FUBP1: variants seen among roughly 807,000 people sequenced by gnomAD.
The protein encoded by FUBP1 is far upstream element binding protein 1.
Under a neutral mutation model 94.9 loss-of-function variants are expected in FUBP1, and 16 were observed. The ratio of observed to expected loss-of-function variants is 0.17; its 90% CI spans 0.11 to 0.26. The LOEUF is 0.26. FUBP1 is among the 10% of genes least tolerant of loss of function. The pLI is 1.00. For synonymous variants in FUBP1, 279 were observed against 254.9 expected (o/e 1.09, Z -0.90); for missense variants, 583 against 808.6 (o/e 0.72, Z 3.38).
At chr1:77,973,348 C>T (rs1316874674) in intron 1 of FUBP1, among the ~76,000 whole-genome samples, 3 of 152,116 alleles carry the variant, frequency 2.0e-5, no homozygotes, top group African/African-American at 7.2e-5. Context: ...CAAGTTCAAG[C>T]GATTCTCCTG....
In FUBP1 at chr1:77,964,372, C is replaced by T. The variant is rs1557449358; in HGVS notation, c.838-16G>A. On this transcript the variant is annotated splice_polypyrimidine_tract_variant and intron_variant, in intron 10 of 19. Coordinates refer to ENST00000370768, the MANE Select transcript of FUBP1 (RefSeq NM_003902.5). Reference sequence around the variant, plus strand: ...GAATGGGGACCTTATGTAAAAAAGACTAAGTATTAAGAAAGCTAGCTTCTC... The same window carrying T: ...GAATGGGGACCTTATGTAAAAAAGATTAAGTATTAAGAAAGCTAGCTTCTC... The T allele has an allele frequency of 1.4e-6, 2 of 1,455,470 alleles. No homozygotes were observed. The highest frequency in any genetic ancestry group is 2.3e-5 in the South Asian group (2 of 87,646). 90.2% of individuals were successfully genotyped at this position (1,455,470 alleles called of 1,614,324 possible). A position where few individuals can be genotyped will look rare whatever the true frequency, so the allele number is the denominator to read the frequency against.
At chr1:77,977,213 C>T (rs988775770) in intron 1 of FUBP1, among the ~76,000 whole-genome samples, 3 of 151,838 alleles carry the variant, frequency 2.0e-5, no homozygotes, top group African/African-American at 4.8e-5. Flanking sequence ...AACAAACAAA[C>T]GAAAAAAAAC....
At chr1:77,976,951 G>A (rs188378102) in intron 1 of FUBP1, among the ~76,000 whole-genome samples, 3 of 152,148 alleles carry the variant, frequency 2.0e-5, no homozygotes, top group Admixed American at 6.5e-5. Flanking sequence ...ACACCTCTGC[G>A]CATGCTGCTT....
In FUBP1 at chr1:77,948,240, C is replaced by T; in HGVS notation, c.*526G>A. The T allele has an allele frequency of 9.5e-7, 1 of 1,054,684 alleles. No homozygotes were observed. Among genetic ancestry groups the T allele is most frequent in the Non-Finnish European group, 1.1e-6 (1 of 872,416 alleles). The allele number at this position is 1,054,684 out of a possible 1,614,324, so 65.3% of individuals were successfully genotyped here. On this transcript the variant is annotated 3_prime_UTR_variant, in exon 20 of 20. Coordinates refer to ENST00000370768, the MANE Select transcript of FUBP1 (RefSeq NM_003902.5). ...AGCCAATACAATAAATGGAAAAGAT[C>T]CTCCAATCTACCACTATACTGCAAG...
At chr1:77,950,529 A>G (rs1372706248) in intron 18 of FUBP1, among the ~76,000 whole-genome samples, 1 of 152,116 alleles carries the variant, frequency 6.6e-6, no homozygotes, top group African/African-American at 2.4e-5. Flanking sequence ...CAAAAAACAT[A>G]CATATAAAGC....
chr1:77,963,611 A>G lies in FUBP1; in HGVS notation c.1146T>C (p.Ile382=). The G allele has an allele frequency of 1.3e-6, 2 of 1,598,294 alleles. No individual in the cohort carries two copies. The highest frequency in any genetic ancestry group is 8.6e-7 in the Non-Finnish European group (1 of 1,165,722). ...PPGGLQEFNF[I]VPTGKTGLII... ...TTAATCCAGTTTTCCCAGTTGGCAC[A>G]ATAAAATTAAATTCCTGTAGTCCAC... Residue 382 remains isoleucine (I), a synonymous_variant, in exon 13 of 20, where the codon ATT becomes ATC. Transcript: ENST00000370768.
intron 16 of FUBP1, among the ~76,000 whole-genome samples, chr1:77,957,251 T>C (rs1654636432): frequency 6.6e-6 from 1 of 152,224 alleles, no homozygotes. Flanking sequence ...AAATTCTTCA[T>C]TCTCTGCAAT....
chr1:77,963,426 T>C, intron 13 of FUBP1, 148 bp downstream of exon 13: 1 of 518,050 alleles, frequency 1.9e-6, no homozygotes. Flanking sequence ...CCCTCATTTA[T>C]GTTTTACTTG....
At position 77,948,502 on chromosome 1, in the gene FUBP1, A is replaced by AT; in HGVS notation, c.*263dup. The AT allele has an allele frequency of 8.1e-7, 1 of 1,234,954 alleles. No individual in the cohort carries two copies. Among genetic ancestry groups the AT allele is most frequent in the East Asian group, 3.2e-5 (1 of 31,064 alleles). 76.5% of individuals were successfully genotyped at this position (1,234,954 alleles called of 1,614,324 possible). A position where few individuals can be genotyped will look rare whatever the true frequency, so the allele number is the denominator to read the frequency against. On this transcript the variant is annotated 3_prime_UTR_variant, in exon 20 of 20. Coordinates refer to ENST00000370768, the MANE Select transcript of FUBP1 (RefSeq NM_003902.5). ...ATTTATATCACAAAGCATCAACCAC[A>AT]TAATTGCAAATACATTTGCTGGAAT...
At chr1:77,959,443 G>C (rs1285136961) in intron 16 of FUBP1, among the ~76,000 whole-genome samples, 1 of 152,128 alleles carries the variant, frequency 6.6e-6, no homozygotes, top group African/African-American at 2.4e-5. Context: ...CATATGAGGA[G>C]TACTAGAACA....
chr1:77,977,902 T>C (rs990287454), intron 1 of FUBP1, among the ~76,000 whole-genome samples: 6 of 152,190 alleles, frequency 3.9e-5, no homozygotes, highest in Non-Finnish European at 8.8e-5. Flanking sequence ...ACTGTCCCGG[T>C]AAAAAGTTAA....
Position 77,946,025 on chromosome 1 carries a change from T to C in FUBP1, c.*2741A>G, listed in dbSNP as rs1652076733. ...ATATAACTTTTGTCTAAGAAAAAAA[T>C]CATAATAAAATTCTAACCCATAATA... On this transcript the variant is annotated 3_prime_UTR_variant, in exon 20 of 20. Transcript: ENST00000370768. 2 of 196,868 alleles carry C rather than the reference T, an allele frequency of 1.0e-5. No individual in the cohort carries two copies. The highest frequency in any genetic ancestry group is 1.9e-4 in the South Asian group (1 of 5,212). The allele number at this position is 196,868 out of a possible 1,614,324, so 12.2% of individuals were successfully genotyped here. A position where few individuals can be genotyped will look rare whatever the true frequency, so the allele number is the denominator to read the frequency against.
chr1:77,949,885 T>A (rs1224736025), intron 18 of FUBP1, among the ~76,000 whole-genome samples: 1 of 152,214 alleles, frequency 6.6e-6, no homozygotes, highest in Non-Finnish European at 1.5e-5. Flanking sequence ...TTAAAAGTAT[T>A]AATAATTTAT....
chr1:77,948,691 C>T lies in FUBP1; in HGVS notation c.*75G>A, dbSNP rs1031413485. 5 of 1,532,298 alleles carry T rather than the reference C, an allele frequency of 3.3e-6. No homozygotes were observed. The highest frequency in any genetic ancestry group is 1.3e-5 in the South Asian group (1 of 76,482). The allele number at this position is 1,532,298 out of a possible 1,614,324, so 94.9% of individuals were successfully genotyped here. A position where few individuals can be genotyped will look rare whatever the true frequency, so the allele number is the denominator to read the frequency against. On this transcript the variant is annotated 3_prime_UTR_variant, in exon 20 of 20. Transcript: ENST00000370768. ...AACAAAATTAAGATCTTCATCAAGT[C>T]GTCTGCATCCATATATTTAACAAAG...
intron 16 of FUBP1, among the ~76,000 whole-genome samples, chr1:77,959,668 A>G (rs1655097526): frequency 1.3e-5 from 2 of 152,052 alleles, no homozygotes; most frequent in Non-Finnish European, 2.9e-5. Context: ...CTCAGCCTCA[A>G]GTACAGGCAC....
rs777511425 is a variant in FUBP1 at position 77,956,681 on chromosome 1, T to C, written c.1596A>G (p.Pro532=). Reference sequence around the variant, plus strand: ...AATAAGCAGCCCAAGCTGCTGAATTTGGATCCGTTCCTGCCTTAGCTAAAA... The same window carrying C: ...AATAAGCAGCCCAAGCTGCTGAATTCGGATCCGTTCCTGCCTTAGCTAAAA... ...PPDPAKAGTD[P]NSAAWAAYYA... is the part of the protein sequence containing the mutation. The change falls in exon 17 of 20, where the codon CCA becomes CCG. Residue 532 remains proline (P), a synonymous_variant. Transcript: ENST00000370768. 2.5e-6 allele frequency: 4 copies of C among 1,613,098 alleles called. No homozygotes were observed. In the Admixed American group the frequency reaches 6.7e-5, roughly 27 times the overall value.
At chr1:77,957,665 T>C (rs1385815064) in intron 16 of FUBP1, among the ~76,000 whole-genome samples, 1 of 152,182 alleles carries the variant, frequency 6.6e-6, no homozygotes, top group Non-Finnish European at 1.5e-5. Context: ...TTAGTCAAGT[T>C]TGAGAAAAAT....
intron 16 of FUBP1, among the ~76,000 whole-genome samples, chr1:77,958,827 T>C (rs1654941259): frequency 6.6e-6 from 1 of 152,196 alleles, no homozygotes; most frequent in African/African-American, 2.4e-5. Context: ...ACTCAAACTC[T>C]TCAATCCCAT....
At chr1:77,951,727 TTC>T (rs1238718384) in intron 18 of FUBP1, among the ~76,000 whole-genome samples, 1 of 152,220 alleles carries the variant, frequency 6.6e-6, no homozygotes, top group Non-Finnish European at 1.5e-5. Flanking sequence ...AGCCTTAAAT[TTC>T]TTTCATCCCA....
Sources: gnomAD v4.1 joint callset for allele counts (sites outside exome capture counted in the v4.1 genomes callset) on GRCh38, gnomAD v4.1.1 for gene constraint, MANE v1.5 for transcripts, NCBI Gene and HGNC (gene_info 2026-07-23, HGNC 2026-07-21) for gene names.